Variants in PI15 observed in about 807,000 individuals in gnomAD.
PI15 encodes 25 kDa trypsin inhibitor.
Under a neutral mutation model 31.0 loss-of-function variants are expected in PI15, and 18 were observed. The observed-to-expected ratio is 0.58, with a 90% CI of 0.40 to 0.86. The LOEUF (loss-of-function observed/expected upper bound fraction) is 0.86. PI15 is among the 40% of genes least tolerant of loss of function. The pLI is 0.00. For missense variants in PI15, 282 were observed against 328.1 expected (o/e 0.86, Z 1.09); for synonymous variants, 118 against 119.1 (o/e 0.99, Z 0.06).
chr8:74,852,753 G>C lies in PI15; in HGVS notation c.*3500G>C, dbSNP rs1300399096. On this transcript the variant is annotated 3_prime_UTR_variant, in exon 6 of 6. Coordinates refer to ENST00000260113, the MANE Select transcript of PI15 (RefSeq NM_015886.5). ...ATATTTAAGCCAGTTTAAGTGCTTT[G>C]TGTTGATGCCATGCTTATCAAATAC... 6.6e-6 allele frequency: 1 copy of C among 152,062 alleles called. No individual in the cohort carries two copies. The highest frequency in any genetic ancestry group is 1.9e-4 in the East Asian group (1 of 5,194). 9.4% of individuals were successfully genotyped at this position (152,062 alleles called of 1,614,324 possible).
chr8:74,825,499 C>T lies in PI15; in HGVS notation c.250C>T (p.Pro84Ser). Residue 84 changes from proline to serine, a missense_variant, in exon 2 of 6, where the codon CCG (proline) becomes TCG (serine). Transcript: ENST00000260113. ...TCAAGTTCGGGGCAAAGTGTTCCCA[C>T]CGGCAGCAAATATGGAATATATGGT... ...HNQVRGKVFP[P>S]AANMEYMVWD... The T allele has an allele frequency of 6.2e-7, 1 of 1,612,498 alleles. No homozygotes were observed. Among genetic ancestry groups the T allele is most frequent in the Non-Finnish European group, 8.5e-7 (1 of 1,179,102 alleles).
At chr8:74,838,549 A>G (rs139901203) in intron 2 of PI15, among the ~76,000 whole-genome samples, 2 of 152,040 alleles carry the variant, frequency 1.3e-5, no homozygotes, top group East Asian at 1.9e-4. Flanking sequence ...TAGCTTTTCT[A>G]CTATTCCCAC....
At chr8:74,834,288 T>C (rs762735592) in intron 2 of PI15, among the ~76,000 whole-genome samples, 139 of 152,322 alleles carry the variant, frequency 9.1e-4, no homozygotes, top group Non-Finnish European at 1.6e-3. Context: ...TATTGCTGAA[T>C]GTTAGAAAGA....
chr8:74,828,233 G>A (rs575749942), intron 2 of PI15, among the ~76,000 whole-genome samples: 90 of 152,238 alleles, frequency 5.9e-4, no homozygotes, highest in African/African-American at 2.1e-3. Context: ...GTTCAAGGAA[G>A]AGTCACTGAA....
In PI15 at chr8:74,845,166, ATGAAG is replaced by A. The variant is rs1811006611; in HGVS notation, c.436_440del (p.Val146ArgfsTer77). The A allele has an allele frequency of 6.2e-7, 1 of 1,612,462 alleles. No homozygotes were observed. Among genetic ancestry groups the A allele is most frequent in the African/African-American group, 1.3e-5 (1 of 74,908 alleles). Reference sequence around the variant, plus strand: ...CTCCAGTTGGTCAAGCCATGGTATGATGAAGTGAAAGATTATGCTTTTCCATATCC... The same window carrying A: ...CTCCAGTTGGTCAAGCCATGGTATGATGAAAGATTATGCTTTTCCATATCC... On this transcript the variant is annotated frameshift_variant, in exon 4 of 6. Coordinates refer to ENST00000260113, the MANE Select transcript of PI15 (RefSeq NM_015886.5). LOFTEE classifies it high-confidence loss of function.
At chr8:74,825,552 G>A in intron 2 of PI15, 30 bp downstream of exon 2, 1 of 1,520,002 alleles carries the variant, frequency 6.6e-7, no homozygotes, top group Non-Finnish European at 9.0e-7. Flanking sequence ...TTTTTTTTAA[G>A]TTCTGAGTGA....
Position 74,833,710 on chromosome 8 carries a change from A to T in PI15, c.273+8188A>T, listed in dbSNP as rs1810820978. Among the ~76,000 whole-genome samples, 7 of 152,330 alleles carry T rather than the reference A, an allele frequency of 4.6e-5. No homozygotes were observed. The South Asian group carries it at 1.4e-3, about 32-fold the overall frequency. ...ACTCTCTCAAGTTTTGAGAGATGAG[A>T]TAATTTTCCTCATTTGGAGATAGAG... On this transcript the variant is annotated intron_variant, in intron 2 of 5. Transcript: ENST00000260113.
Position 74,849,358 on chromosome 8 carries a change from T to A in PI15, c.*105T>A, listed in dbSNP as rs1247958258. The A allele has an allele frequency of 2.4e-6, 2 of 837,038 alleles. No homozygotes were observed. Among genetic ancestry groups the A allele is most frequent in the African/African-American group, 1.8e-5 (1 of 56,752 alleles). The allele number at this position is 837,038 out of a possible 1,614,324, so 51.9% of individuals were successfully genotyped here. A position where few individuals can be genotyped will look rare whatever the true frequency, so the allele number is the denominator to read the frequency against. ...ACATATTATACATATTTTGTGCTAA[T>A]CTTGTTTTCCTCTTAGTATTCCTTT... is the stretch of plus-strand genomic sequence containing the variant. On this transcript the variant is annotated 3_prime_UTR_variant, in exon 6 of 6. Transcript: ENST00000260113.
intron 2 of PI15, among the ~76,000 whole-genome samples, chr8:74,826,866 G>C (rs1264796860): frequency 2.0e-5 from 3 of 151,962 alleles, no homozygotes; most frequent in African/African-American, 7.3e-5. Flanking sequence ...CATTAGTTTT[G>C]ATGGGTTTCT....
intron 2 of PI15, among the ~76,000 whole-genome samples, chr8:74,828,211 T>C (rs1410094651): frequency 6.6e-6 from 1 of 152,104 alleles, no homozygotes; most frequent in Non-Finnish European, 1.5e-5. Context: ...AAGGGTTTGA[T>C]TTTTAACAAG....
At chr8:74,837,747 G>T (rs1433470) in intron 2 of PI15, among the ~76,000 whole-genome samples, 32,173 of 152,042 alleles carry the variant, frequency 0.21, 4,069 homozygotes, top group Middle Eastern at 0.29. Context: ...ACACATAAAC[G>T]TCCAAGAAAA....
At chr8:74,834,165 G>C (rs1244794101) in intron 2 of PI15, among the ~76,000 whole-genome samples, 1 of 152,074 alleles carries the variant, frequency 6.6e-6, no homozygotes, top group African/African-American at 2.4e-5. Flanking sequence ...AAACCACTGG[G>C]GAGCACTGCT....
chr8:74,836,866 C>T (rs182171968), intron 2 of PI15, among the ~76,000 whole-genome samples: 102 of 152,004 alleles, frequency 6.7e-4, no homozygotes, highest in African/African-American at 2.2e-3. Context: ...AGAGAGAATG[C>T]GGAAAGCAAA....
Position 74,845,400 on chromosome 8 carries a change from A to G in PI15, c.544A>G (p.Asn182Asp), listed in dbSNP as rs1308970494. 1.9e-6 allele frequency: 3 copies of G among 1,613,872 alleles called. No homozygotes were observed. In the Admixed American group the frequency reaches 5.0e-5, roughly 27 times the overall value. Reference protein sequence around the residue: ...HYTQMVWATSNRIGCAIHTCQ... With the variant: ...HYTQMVWATSDRIGCAIHTCQ... ...TTCACAGATGGTTTGGGCCACTTCCAATCGGATAGGATGCGCAATTCATAC... is the reference window on the plus strand; with the variant it reads ...TTCACAGATGGTTTGGGCCACTTCCGATCGGATAGGATGCGCAATTCATAC... Residue 182 changes from asparagine to aspartate, a missense_variant, in exon 5 of 6, where the codon AAT becomes GAT. Transcript: ENST00000260113.
rs1811011441 is a variant in PI15 at position 74,845,395 on chromosome 8, C to A, written c.539C>A (p.Thr180Asn). 3 of 1,613,614 alleles carry A rather than the reference C, an allele frequency of 1.9e-6. No individual in the cohort carries two copies. The South Asian group carries it at 3.3e-5, about 18-fold the overall frequency. ...TTATTTTCACAGATGGTTTGGGCCA[C>A]TTCCAATCGGATAGGATGCGCAATT... ...CTHYTQMVWATSNRIGCAIHT... is the reference protein window; with the variant it reads ...CTHYTQMVWANSNRIGCAIHT... Residue 180 changes from threonine (T) to asparagine (N), a missense_variant, in exon 5 of 6, where the codon ACT becomes AAT. Coordinates refer to ENST00000260113, the MANE Select transcript of PI15 (RefSeq NM_015886.5).
At chr8:74,845,854 T>C (rs1811018236) in intron 5 of PI15, 1 of 177,110 alleles carries the variant, frequency 5.6e-6, no homozygotes, top group Admixed American at 5.5e-5. Flanking sequence ...TTCTCATCTA[T>C]CAGTACAAAA....
At chr8:74,837,251 GT>G in intron 2 of PI15, among the ~76,000 whole-genome samples, 1 of 152,080 alleles carries the variant, frequency 6.6e-6, no homozygotes, top group South Asian at 2.1e-4. Context: ...TTTAAATCAA[GT>G]TTCTTTAATC....
At chr8:74,844,784 C>T (rs1811000110) in intron 3 of PI15, 2 of 233,294 alleles carry the variant, frequency 8.6e-6, no homozygotes, top group African/African-American at 4.5e-5. Context: ...TTTTATACAT[C>T]TAATTCTGGA....
intron 2 of PI15, among the ~76,000 whole-genome samples, chr8:74,831,301 T>C (rs1169674873): frequency 2.0e-5 from 3 of 152,204 alleles, no homozygotes; most frequent in Non-Finnish European, 4.4e-5. Context: ...ACACAGTTTT[T>C]TTGGTGGAAA....
Sources: gnomAD v4.1 joint callset for allele counts (sites outside exome capture counted in the v4.1 genomes callset) on GRCh38, gnomAD v4.1.1 for gene constraint, MANE v1.5 for transcripts, NCBI Gene and HGNC (gene_info 2026-07-23, HGNC 2026-07-21) for gene names.